NDUFAF2: variants seen among roughly 807,000 people sequenced by gnomAD.
The protein encoded by NDUFAF2 is NADH:ubiquinone oxidoreductase complex assembly factor 2.
A neutral mutation model predicts 22.8 loss-of-function variants in NDUFAF2; 13 were observed. The observed-to-expected ratio is 0.57, with a 90% CI of 0.37 to 0.91. NDUFAF2 has a LOEUF of 0.91. NDUFAF2 is among the 40% of genes least tolerant of loss of function. The probability of loss-of-function intolerance (pLI) is 0.01; values close to 1 mark genes in which losing one functional copy is unlikely to be tolerated. For synonymous variants in NDUFAF2, 53 were observed against 64.2 expected, an observed-to-expected ratio of 0.83 and a Z score of 0.84; for missense variants, 162 against 195.2, an observed-to-expected ratio of 0.83 and a Z score of 1.01.
intron 3 of NDUFAF2, among the ~76,000 whole-genome samples, chr5:61,102,204 G>A (rs752341390): frequency 6.6e-6 from 1 of 152,092 alleles, no homozygotes; most frequent in Non-Finnish European, 1.5e-5. Flanking sequence ...AAATGTAAAA[G>A]ACCTAGAATA....
intron 2 of NDUFAF2, 150 bp from the exon 3 acceptor site, chr5:61,098,842 T>A (rs1752673889): frequency 5.8e-6 from 3 of 515,016 alleles, no homozygotes; most frequent in Non-Finnish European, 1.1e-5. Context: ...TGTGCTACAG[T>A]AGAGAAGGGA....
chr5:60,953,002 A>G (rs949117798), intron 1 of NDUFAF2, among the ~76,000 whole-genome samples: 1 of 152,152 alleles, frequency 6.6e-6, no homozygotes, highest in African/African-American at 2.4e-5. Context: ...GGCCTAATAT[A>G]TGTAATTGGA....
chr5:61,127,051 G>A (rs538399321), intron 3 of NDUFAF2, among the ~76,000 whole-genome samples: 1 of 151,812 alleles, frequency 6.6e-6, no homozygotes, highest in African/African-American at 2.4e-5. Context: ...ATGGATAAAT[G>A]CCTCAACACA....
chr5:61,089,175 G>C (rs1483026026), intron 2 of NDUFAF2, among the ~76,000 whole-genome samples: 2 of 151,938 alleles, frequency 1.3e-5, no homozygotes, highest in African/African-American at 4.8e-5. Flanking sequence ...ATTCTAATAG[G>C]AATATTAAAG....
At chr5:60,992,380 A>G (rs1415062811) in intron 1 of NDUFAF2, among the ~76,000 whole-genome samples, 3 of 152,188 alleles carry the variant, frequency 2.0e-5, no homozygotes, top group African/African-American at 7.2e-5. Flanking sequence ...TGCCCAGTCC[A>G]ATGTCCTGGA....
chr5:61,002,583 C>T (rs1420286278), intron 1 of NDUFAF2, among the ~76,000 whole-genome samples: 1 of 152,118 alleles, frequency 6.6e-6, no homozygotes, highest in Non-Finnish European at 1.5e-5. Flanking sequence ...CAATAGTTGC[C>T]TATTTTCCCT....
intron 1 of NDUFAF2, among the ~76,000 whole-genome samples, chr5:60,978,883 G>C (rs1450597998): frequency 3.9e-5 from 6 of 152,090 alleles, no homozygotes; most frequent in Admixed American, 1.3e-4. Flanking sequence ...AGTGCAGCTC[G>C]CAATTCTAAG....
At chr5:61,085,633 C>T (rs565383469) in intron 2 of NDUFAF2, among the ~76,000 whole-genome samples, 43 of 152,018 alleles carry the variant, frequency 2.8e-4, no homozygotes, top group African/African-American at 9.6e-4. Flanking sequence ...ACAAAAAGTA[C>T]GTAAAAATTA....
At chr5:61,120,919 T>C (rs978652141) in intron 3 of NDUFAF2, among the ~76,000 whole-genome samples, 9 of 152,178 alleles carry the variant, frequency 5.9e-5, no homozygotes, top group African/African-American at 2.2e-4. Flanking sequence ...ATTCTCTCCA[T>C]GCTGAAGAAG....
chr5:61,012,335 T>C (rs1751452959), intron 1 of NDUFAF2, among the ~76,000 whole-genome samples: 1 of 152,064 alleles, frequency 6.6e-6, no homozygotes, highest in Non-Finnish European at 1.5e-5. Flanking sequence ...ACTCTCAAAT[T>C]CAACATTTTT....
At chr5:60,987,778 AAAT>A (rs1247202656) in intron 1 of NDUFAF2, among the ~76,000 whole-genome samples, 2 of 152,240 alleles carry the variant, frequency 1.3e-5, no homozygotes, top group Non-Finnish European at 2.9e-5. Flanking sequence ...GAAGGAATGC[AAAT>A]AATAAGAGCC....
chr5:61,071,083 A>G (rs1752292895), intron 1 of NDUFAF2, among the ~76,000 whole-genome samples: 1 of 152,224 alleles, frequency 6.6e-6, no homozygotes, highest in African/African-American at 2.4e-5. Context: ...ATGTATTTAT[A>G]TATGTGAATG....
At chr5:60,962,440 A>G (rs1365053772) in intron 1 of NDUFAF2, among the ~76,000 whole-genome samples, 1 of 152,196 alleles carries the variant, frequency 6.6e-6, no homozygotes, top group Non-Finnish European at 1.5e-5. Context: ...ATTAGAAAGT[A>G]ATAATTTTCT....
chr5:61,110,629 T>C (rs1342296511), intron 3 of NDUFAF2, among the ~76,000 whole-genome samples: 2 of 152,116 alleles, frequency 1.3e-5, no homozygotes, highest in African/African-American at 4.8e-5. Context: ...ATAGTAGCCT[T>C]CTTATGATCT....
At chr5:61,043,523 G>A (rs1047819382) in intron 1 of NDUFAF2, among the ~76,000 whole-genome samples, 1 of 152,016 alleles carries the variant, frequency 6.6e-6, no homozygotes, top group African/African-American at 2.4e-5. Flanking sequence ...CCACAATTTA[G>A]CTCTGTTTCT....
chr5:61,011,881 A>G (rs1230445084), intron 1 of NDUFAF2, among the ~76,000 whole-genome samples: 2 of 152,054 alleles, frequency 1.3e-5, no homozygotes, highest in Non-Finnish European at 2.9e-5. Flanking sequence ...TCTTTTTTAA[A>G]AAAAATAAAT....
At chr5:61,009,749 C>T (rs1751420281) in intron 1 of NDUFAF2, among the ~76,000 whole-genome samples, 1 of 152,024 alleles carries the variant, frequency 6.6e-6, no homozygotes, top group African/African-American at 2.4e-5. Flanking sequence ...TAAAGCAAAT[C>T]AGATCCATTC....
intron 3 of NDUFAF2, among the ~76,000 whole-genome samples, chr5:61,125,421 G>A (rs1051360108): frequency 1.3e-5 from 2 of 151,962 alleles, no homozygotes; most frequent in African/African-American, 4.8e-5. Flanking sequence ...GGAGAAGTAG[G>A]TAGCTGGGCA....
chr5:61,090,931 C>A (rs1278103528), intron 2 of NDUFAF2, among the ~76,000 whole-genome samples: 1 of 152,114 alleles, frequency 6.6e-6, no homozygotes, highest in East Asian at 1.9e-4. Context: ...TAAGTGAGAA[C>A]ATGCATTATT....
Sources: gnomAD v4.1 joint callset for allele counts (sites outside exome capture counted in the v4.1 genomes callset) on GRCh38, gnomAD v4.1.1 for gene constraint, MANE v1.5 for transcripts, NCBI Gene and HGNC (gene_info 2026-07-23, HGNC 2026-07-21) for gene names.